Variants in TOGARAM1 observed in about 807,000 individuals in gnomAD.
TOGARAM1 encodes the protein TOG array regulator of axonemal microtubules 1.
Under a neutral mutation model 166.6 loss-of-function variants are expected in TOGARAM1, and 100 were observed. The ratio of observed to expected loss-of-function variants is 0.60; its 90% CI spans 0.51 to 0.71. The LOEUF (loss-of-function observed/expected upper bound fraction) is 0.71. Among genes scored for constraint, TOGARAM1 ranks in the 30% least tolerant of loss-of-function variants. The pLI, the probability that TOGARAM1 is intolerant of heterozygous loss-of-function variation, is 0.00. For synonymous variants in TOGARAM1, 758 were observed against 763.8 expected, an observed-to-expected ratio of 0.99 and a Z score of 0.13; for missense variants, 2,029 against 2,102.7, an observed-to-expected ratio of 0.96 and a Z score of 0.69.
chr14:45,043,991 T>C (rs118154035), intron 12 of TOGARAM1, among the ~76,000 whole-genome samples, 200 bp downstream of exon 12: 2,739 of 152,202 alleles, frequency 0.018, 33 homozygotes, highest in Non-Finnish European at 0.026. Context: ...CAAAAGATAA[T>C]ATATATTAAG....
At chr14:45,058,209 T>A (rs1882733683) in intron 16 of TOGARAM1, among the ~76,000 whole-genome samples, 1 of 152,216 alleles carries the variant, frequency 6.6e-6, no homozygotes, top group African/African-American at 2.4e-5. Flanking sequence ...TTTGTCTTTT[T>A]TTTTACTGTT....
At chr14:45,003,458 A>G (rs951769416) in intron 3 of TOGARAM1, among the ~76,000 whole-genome samples, 3 of 152,122 alleles carry the variant, frequency 2.0e-5, no homozygotes, top group African/African-American at 2.4e-5. Flanking sequence ...AATCAAATGT[A>G]TGAATAGTTT....
intron 7 of TOGARAM1, among the ~76,000 whole-genome samples, chr14:45,020,421 G>A (rs1182433768): frequency 3.9e-5 from 6 of 152,162 alleles, no homozygotes; most frequent in African/African-American, 1.2e-4. Context: ...TCGGCAACCC[G>A]TTCCATGTCA....
At chr14:44,996,192 G>A in intron 2 of TOGARAM1, 1 of 185,960 alleles carries the variant, frequency 5.4e-6, no homozygotes, top group African/African-American at 2.3e-5. Context: ...AATAGAGCTT[G>A]CATTCTACTT....
intron 4 of TOGARAM1, 30 bp from the exon 5 acceptor site, chr14:45,005,978 G>GA: frequency 6.6e-7 from 1 of 1,517,608 alleles, no homozygotes; most frequent in Non-Finnish European, 8.8e-7. Context: ...ATTAGAAAAA[G>GA]AAAAAGTAAA....
chr14:45,065,713 G>A (rs190458631), intron 16 of TOGARAM1, among the ~76,000 whole-genome samples: 3 of 152,296 alleles, frequency 2.0e-5, no homozygotes, highest in East Asian at 1.9e-4. Context: ...TCTTAGAAAG[G>A]CCTGCTTAGA....
At chr14:44,973,598 A>G (rs368278098) in intron 1 of TOGARAM1, among the ~76,000 whole-genome samples, 5 of 150,870 alleles carry the variant, frequency 3.3e-5, no homozygotes, top group East Asian at 3.9e-4. Flanking sequence ...CTCTCTCTCT[A>G]TATATACATA....
Position 45,021,678 on chromosome 14 carries a change from G to A in TOGARAM1, c.3239-4105G>A, listed in dbSNP as rs985486333. On this transcript the variant is annotated intron_variant, in intron 7 of 19. Coordinates refer to ENST00000361462, the MANE Select transcript of TOGARAM1 (RefSeq NM_001308120.2). ...AGACTCCACTCCAGCCACTTTAACCGCGGTTGGGGTAGATAAAATGACCGG... is the reference window on the plus strand; with the variant it reads ...AGACTCCACTCCAGCCACTTTAACCACGGTTGGGGTAGATAAAATGACCGG... Among the ~76,000 whole-genome samples, 12 of 152,232 alleles carry A rather than the reference G, an allele frequency of 7.9e-5. No individual in the cohort carries two copies. The South Asian group carries it at 1.0e-3, about 13-fold the overall frequency.
At chr14:45,054,390 T>C in intron 15 of TOGARAM1, 41 bp from the exon 16 acceptor site, 1 of 1,278,478 alleles carries the variant, frequency 7.8e-7, no homozygotes, top group Non-Finnish European at 1.1e-6. Context: ...TCACTACTAG[T>C]TTTAAAATTT....
At chr14:44,979,031 TAAAAA>T (rs201855402) in intron 1 of TOGARAM1, among the ~76,000 whole-genome samples, 1 of 138,142 alleles carries the variant, frequency 7.2e-6, no homozygotes, top group African/African-American at 2.7e-5. Context: ...AAATAACAGA[TAAAAA>T]AAAAAGGTTA....
At position 45,068,464 on chromosome 14, in the gene TOGARAM1, G is replaced by A; in HGVS notation, c.4790G>A (p.Ser1597Asn). 21 of 1,612,158 alleles carry A rather than the reference G, an allele frequency of 1.3e-5. No homozygotes were observed. The highest frequency in any genetic ancestry group is 1.8e-5 in the Non-Finnish European group (21 of 1,179,192). Reference protein sequence around the residue: ...AFKSRLHDSNSKVNLVALETM... With the variant: ...AFKSRLHDSNNKVNLVALETM... The stretch of plus-strand genomic sequence containing the variant: ...AAATCTCGACTTCATGATTCTAATA[G>A]TAAAGTAAATCTGGTGGCTCTGGAA... Residue 1597 changes from serine (S) to asparagine (N), a missense_variant, in exon 18 of 20, where the codon AGT (serine) becomes AAT (asparagine). Physicochemically the swap from Ser to Asn is conservative, Grantham distance 46. Around this residue, in one of 2 missense-constraint regions of TOGARAM1, gnomAD observed 576 missense variants for 670.5 expected, o/e 0.86. Transcript: ENST00000361462.
chr14:44,997,988 A>G (rs764504339), intron 2 of TOGARAM1, among the ~76,000 whole-genome samples: 1 of 152,250 alleles, frequency 6.6e-6, no homozygotes, highest in Non-Finnish European at 1.5e-5. Flanking sequence ...AGATTTAAAA[A>G]TGTATTTAAC....
chr14:45,026,538 TGCCCG>T (rs1880850195), intron 8 of TOGARAM1, among the ~76,000 whole-genome samples: 1 of 152,210 alleles, frequency 6.6e-6, no homozygotes, highest in Non-Finnish European at 1.5e-5. Context: ...TTCCTTTATT[TGCCCG>T]GCCAAGCTCA....
intron 18 of TOGARAM1, among the ~76,000 whole-genome samples, chr14:45,069,721 T>G (rs2139008862): frequency 1.3e-5 from 2 of 152,198 alleles, no homozygotes; most frequent in South Asian, 4.1e-4. Flanking sequence ...CAATACAAAA[T>G]GCTGACAAGA....
intron 7 of TOGARAM1, among the ~76,000 whole-genome samples, chr14:45,020,109 A>G (rs1668378008): frequency 6.6e-6 from 1 of 152,212 alleles, no homozygotes; most frequent in Non-Finnish European, 1.5e-5. Context: ...CAGGGTCCAA[A>G]GAAGAGTAAC....
rs866244575 is a variant in TOGARAM1 at position 45,005,497 on chromosome 14, C to T, written c.2645-511C>T. Among the ~76,000 whole-genome samples, 16 of 152,154 alleles carry T rather than the reference C, an allele frequency of 1.1e-4. No homozygotes were observed. In the South Asian group the frequency reaches 3.1e-3, roughly 30 times the overall value. The stretch of plus-strand genomic sequence containing the variant: ...GGGCTGATGGCACGTGCCTGTAATC[C>T]CAGCTACTTGGGAGGCTGAGGCGGG... On this transcript the variant is annotated intron_variant, in intron 4 of 19. Transcript: ENST00000361462.
intron 7 of TOGARAM1, among the ~76,000 whole-genome samples, chr14:45,016,504 AC>A (rs1244530369): frequency 6.6e-6 from 1 of 152,162 alleles, no homozygotes; most frequent in Non-Finnish European, 1.5e-5. Context: ...ACATGGTGAA[AC>A]ACCGTGCTCA....
rs1883288169 is a variant in TOGARAM1 at position 45,069,566 on chromosome 14, G to T, written c.4969+923G>T. Among the ~76,000 whole-genome samples the T allele has an allele frequency of 2.6e-5, 4 of 152,228 alleles. No individual in the cohort carries two copies. The South Asian group carries it at 8.3e-4, about 32-fold the overall frequency. On this transcript the variant is annotated intron_variant, in intron 18 of 19. Coordinates refer to ENST00000361462, the MANE Select transcript of TOGARAM1 (RefSeq NM_001308120.2). The stretch of plus-strand genomic sequence containing the variant: ...AATATTTAAACCATGAGGCTATACG[G>T]ATGGCAAATAAGGGAGGATGTGTGA...
chr14:44,978,574 G>A (rs918524800), intron 1 of TOGARAM1, among the ~76,000 whole-genome samples: 2 of 152,106 alleles, frequency 1.3e-5, no homozygotes, highest in African/African-American at 4.8e-5. Flanking sequence ...GGAGGCCAAG[G>A]CAGAAGGATT....
Sources: gnomAD v4.1 joint callset for allele counts (sites outside exome capture counted in the v4.1 genomes callset) on GRCh38, gnomAD v4.1.1 for gene constraint, gnomAD v4.1.1 regional missense constraint, MANE v1.5 for transcripts, NCBI Gene and HGNC (gene_info 2026-07-23, HGNC 2026-07-21) for gene names.